Variants in SLC35B4 observed in about 807,000 individuals in gnomAD.
The protein encoded by SLC35B4 is nucleotide sugar transporter SLC35B4.
A neutral mutation model predicts 39.5 loss-of-function variants in SLC35B4; 28 were observed. The observed-to-expected ratio is 0.71, with a 90% CI of 0.53 to 0.97. The LOEUF (loss-of-function observed/expected upper bound fraction) is 0.97, where lower values mean the gene tolerates loss of function less well. Among genes scored for constraint, SLC35B4 ranks in the 50% least tolerant of loss-of-function variants. The probability of loss-of-function intolerance (pLI) is 0.00; values close to 1 mark genes in which losing one functional copy is unlikely to be tolerated. For missense variants in SLC35B4, 334 were observed against 414.3 expected (o/e 0.81, Z 1.68); for synonymous variants, 145 against 150.4 (o/e 0.96, Z 0.26).
chr7:134,306,615 G>T (rs879424418), intron 3 of SLC35B4, 57 bp downstream of exon 3: 2 of 1,400,764 alleles, frequency 1.4e-6, no homozygotes, highest in East Asian at 2.3e-5. Context: ...ATATTCAATC[G>T]ATCTACTTAA....
At chr7:134,301,174 G>A (rs949554938) in intron 6 of SLC35B4, among the ~76,000 whole-genome samples, 11 of 152,108 alleles carry the variant, frequency 7.2e-5, no homozygotes, top group Admixed American at 1.3e-4. Context: ...GTCTCAATCC[G>A]TTATTGTTGT....
At chr7:134,316,610 A>G in intron 1 of SLC35B4, 65 bp downstream of exon 1, 3 of 1,501,524 alleles carry the variant, frequency 2.0e-6, no homozygotes, top group Non-Finnish European at 2.7e-6. Flanking sequence ...TCCCGGGGGG[A>G]CCTCTCCTCT....
intron 5 of SLC35B4, 99 bp from the exon 6 acceptor site, chr7:134,301,920 T>G (rs1803590051): frequency 2.0e-6 from 3 of 1,510,592 alleles, no homozygotes; most frequent in Admixed American, 3.5e-5. Context: ...CCCTCCCCTC[T>G]TCTCTTTCAA....
intron 4 of SLC35B4, 95 bp downstream of exon 4, chr7:134,304,710 T>C (rs1803666587): frequency 2.1e-6 from 2 of 948,546 alleles, no homozygotes; most frequent in Admixed American, 2.2e-5. Context: ...AGCAAACTTA[T>C]CACTATTTTG....
At chr7:134,297,644 A>C (rs1239743403) in intron 8 of SLC35B4, among the ~76,000 whole-genome samples, 1 of 152,270 alleles carries the variant, frequency 6.6e-6, no homozygotes, top group Non-Finnish European at 1.5e-5. Context: ...CTATGTAAGA[A>C]TCTCTGTAAA....
At position 134,292,407 on chromosome 7, in the gene SLC35B4, A is replaced by T. The variant is rs1387315013; in HGVS notation, c.*2426T>A. 3 of 152,254 alleles carry T rather than the reference A, an allele frequency of 2.0e-5. No individual in the cohort carries two copies. The highest frequency in any genetic ancestry group is 7.2e-5 in the African/African-American group (3 of 41,434). 9.4% of individuals were successfully genotyped at this position (152,254 alleles called of 1,614,324 possible). A position where few individuals can be genotyped will look rare whatever the true frequency, so the allele number is the denominator to read the frequency against. On this transcript the variant is annotated 3_prime_UTR_variant, in exon 10 of 10. Transcript: ENST00000378509. Reference sequence around the variant, plus strand: ...TCATCTTGTGCGAGTGTTCTAATCTAATCTATTCCCTGCCCATACATAGCC... The same window carrying T: ...TCATCTTGTGCGAGTGTTCTAATCTTATCTATTCCCTGCCCATACATAGCC...
At chr7:134,299,631 T>G (rs1176392084) in intron 7 of SLC35B4, 33 bp from the exon 8 acceptor site, 1 of 1,535,130 alleles carries the variant, frequency 6.5e-7, no homozygotes, top group Non-Finnish European at 9.0e-7. Context: ...TAAATGTAAG[T>G]GCAAAAACAT....
intron 1 of SLC35B4, among the ~76,000 whole-genome samples, chr7:134,315,363 C>A (rs558578193): frequency 2.0e-5 from 3 of 152,246 alleles, no homozygotes; most frequent in South Asian, 4.1e-4. Context: ...TATCTCTCAT[C>A]TGAAAATCTG....
rs1476510615 is a variant in SLC35B4, at chr7:134,289,841, C to A, written c.*4992G>T. On this transcript the variant is annotated 3_prime_UTR_variant, in exon 10 of 10. Transcript: ENST00000378509. The stretch of plus-strand genomic sequence containing the variant: ...TTACAACTTCTTTCTTAGAAAGTAT[C>A]AGTATTTCTGCTTTTCTTTTTTCAC... The A allele has an allele frequency of 6.6e-6, 1 of 152,108 alleles. No homozygotes were observed. The highest frequency in any genetic ancestry group is 1.5e-5 in the Non-Finnish European group (1 of 68,016). The allele number at this position is 152,108 out of a possible 1,614,324, so 9.4% of individuals were successfully genotyped here.
intron 8 of SLC35B4, among the ~76,000 whole-genome samples, chr7:134,297,044 C>T (rs940659841): frequency 6.6e-6 from 1 of 152,182 alleles, no homozygotes; most frequent in African/African-American, 2.4e-5. Flanking sequence ...CCTCAGCCTC[C>T]CAAGTAGCTG....
chr7:134,316,989 G>A, upstream of SLC35B4: 1 of 551,540 alleles, frequency 1.8e-6, no homozygotes, highest in Non-Finnish European at 3.2e-6. Flanking sequence ...CCGAGCCCCG[G>A]CCAGACTACA....
chr7:134,292,552 A>T lies in SLC35B4; in HGVS notation c.*2281T>A, dbSNP rs2598288. 0.5 allele frequency: 76,309 copies of T among 151,950 alleles called. 19,685 individuals are homozygous for T. The highest frequency in any genetic ancestry group is 0.59 in the African/African-American group (24,602 of 41,408). The allele number at this position is 151,950 out of a possible 1,614,324, so 9.4% of individuals were successfully genotyped here. On this transcript the variant is annotated 3_prime_UTR_variant, in exon 10 of 10. Coordinates refer to ENST00000378509, the MANE Select transcript of SLC35B4 (RefSeq NM_032826.5). ...GTGAACATCAACACATACCCAATGA[A>T]GAAAACTTGTAATGTTTTCATCAAC...
At chr7:134,298,070 T>C (rs1016292296) in intron 8 of SLC35B4, among the ~76,000 whole-genome samples, 2 of 152,216 alleles carry the variant, frequency 1.3e-5, no homozygotes, top group Non-Finnish European at 2.9e-5. Context: ...GAAATTCTGA[T>C]ACAATGATGC....
At chr7:134,303,118 T>C (rs1395931811) in intron 4 of SLC35B4, among the ~76,000 whole-genome samples, 4 of 152,100 alleles carry the variant, frequency 2.6e-5, no homozygotes, top group Non-Finnish European at 5.9e-5. Flanking sequence ...CTACCCAAGA[T>C]AAAAGGAGAT....
At chr7:134,309,201 C>T (rs557072872) in intron 2 of SLC35B4, among the ~76,000 whole-genome samples, 165 bp downstream of exon 2, 1 of 152,138 alleles carries the variant, frequency 6.6e-6, no homozygotes, top group African/African-American at 2.4e-5. Context: ...GAAGTAGGTA[C>T]CCCGGATTTT....
At chr7:134,310,289 T>C (rs1482821722) in intron 1 of SLC35B4, among the ~76,000 whole-genome samples, 1 of 152,190 alleles carries the variant, frequency 6.6e-6, no homozygotes, top group Non-Finnish European at 1.5e-5. Context: ...TGTGAAACAG[T>C]TGGGGAAGAT....
chr7:134,304,180 G>A (rs1419667738), intron 4 of SLC35B4, among the ~76,000 whole-genome samples: 1 of 152,092 alleles, frequency 6.6e-6, no homozygotes, highest in East Asian at 1.9e-4. Context: ...AATGTGACTA[G>A]GAGTTTGAGA....
Position 134,316,901 on chromosome 7 carries a change from TCTC to T in SLC35B4, c.-153_-151del. 1.4e-6 allele frequency: 1 copy of T among 700,580 alleles called. No individual in the cohort carries two copies. The highest frequency in any genetic ancestry group is 2.4e-6 in the Non-Finnish European group (1 of 424,284). 43.4% of individuals were successfully genotyped at this position (700,580 alleles called of 1,614,324 possible). A position where few individuals can be genotyped will look rare whatever the true frequency, so the allele number is the denominator to read the frequency against. On this transcript the variant is annotated 5_prime_UTR_variant, in exon 1 of 10. Coordinates refer to ENST00000378509, the MANE Select transcript of SLC35B4 (RefSeq NM_032826.5). ...ACTGGGGGCCGCCGCGGTCTCCCCTTCTCCCGCGGCCAACACCGACGCTGCCAA... is the reference window on the plus strand; with the variant it reads ...ACTGGGGGCCGCCGCGGTCTCCCCTTCCGCGGCCAACACCGACGCTGCCAA...
Position 134,290,656 on chromosome 7 carries a change from A to T in SLC35B4, c.*4177T>A, listed in dbSNP as rs1348930002. Reference sequence around the variant, plus strand: ...TTTTACTTACAAATATTGTTTAGACACATTTTCAAATGTCACACCAATCAA... The same window carrying T: ...TTTTACTTACAAATATTGTTTAGACTCATTTTCAAATGTCACACCAATCAA... On this transcript the variant is annotated 3_prime_UTR_variant, in exon 10 of 10. Coordinates refer to ENST00000378509, the MANE Select transcript of SLC35B4 (RefSeq NM_032826.5). 1 of 152,220 alleles carries T rather than the reference A, an allele frequency of 6.6e-6. No individual in the cohort carries two copies. Among genetic ancestry groups the T allele is most frequent in the Non-Finnish European group, 1.5e-5 (1 of 68,038 alleles). The allele number at this position is 152,220 out of a possible 1,614,324, so 9.4% of individuals were successfully genotyped here.
Sources: gnomAD v4.1 joint callset for allele counts (sites outside exome capture counted in the v4.1 genomes callset) on GRCh38, gnomAD v4.1.1 for gene constraint, MANE v1.5 for transcripts, NCBI Gene and HGNC (gene_info 2026-07-23, HGNC 2026-07-21) for gene names.